Variants in ADAMTSL1 observed in about 807,000 individuals in gnomAD.
ADAMTSL1 encodes the protein ADAMTS like 1.
ADAMTSL1 carries 126 observed loss-of-function variants against 201.8 expected under a neutral mutation model. The observed-to-expected ratio is 0.62, with a 90% confidence interval of 0.54 to 0.72. The LOEUF (loss-of-function observed/expected upper bound fraction) is 0.72, where lower values mean the gene tolerates loss of function less well. Ranked by LOEUF, ADAMTSL1 falls within the 30% of genes least tolerant of loss-of-function variation. The pLI, the probability that ADAMTSL1 is intolerant of heterozygous loss-of-function variation, is 0.00. For missense variants in ADAMTSL1, 2,679 were observed against 2,277.8 expected (o/e 1.18, Z -3.59); for synonymous variants, 1,121 against 903.4 (o/e 1.24, Z -4.32).
intron 4 of ADAMTSL1, among the ~76,000 whole-genome samples, chr9:18,581,772 G>C (rs914574741): frequency 1.3e-5 from 2 of 152,172 alleles, no homozygotes; most frequent in African/African-American, 2.4e-5. Context: ...CTGATACCGA[G>C]CAGGAAAAAA....
chr9:17,987,849 G>T lies in ADAMTSL1; in HGVS notation c.87+80927G>T, dbSNP rs189164972. The stretch of plus-strand genomic sequence containing the variant: ...TCAGCAGTTGAGACCAGTGGCTCTT[G>T]AAAGAGTTTGTATTTACCCTTTAAT... On this transcript the variant is annotated intron_variant, in intron 1 of 29. Coordinates refer to the ADAMTSL1 transcript ENST00000680146. 2.5e-3 allele frequency among the ~76,000 whole-genome samples: 384 copies of T among 152,180 alleles called. 4 individuals are homozygous for T. Among genetic ancestry groups the T allele is most frequent in the African/African-American group, 8.7e-3 (361 of 41,560 alleles).
intron 2 of ADAMTSL1, among the ~76,000 whole-genome samples, chr9:18,177,028 C>A (rs565213701): frequency 2.0e-5 from 3 of 152,292 alleles, no homozygotes; most frequent in Non-Finnish European, 2.9e-5. Context: ...AGGGCTATTG[C>A]TTTGCACCCT....
chr9:18,408,521 G>C (rs1818299145), intron 2 of ADAMTSL1, among the ~76,000 whole-genome samples: 1 of 152,104 alleles, frequency 6.6e-6, no homozygotes, highest in Admixed American at 6.5e-5. Flanking sequence ...CCTAGTATGT[G>C]CTGGTCACTA....
At chr9:18,857,561 C>T (rs1826941399) in intron 23 of ADAMTSL1, among the ~76,000 whole-genome samples, 1 of 152,208 alleles carries the variant, frequency 6.6e-6, no homozygotes, top group Non-Finnish European at 1.5e-5. Flanking sequence ...CACACCCAAT[C>T]ACATGATTAT....
At position 18,626,865 on chromosome 9, in the gene ADAMTSL1, TTCTG is replaced by T. The variant is rs543416245; in HGVS notation, c.601+4500_601+4503del. On this transcript the variant is annotated intron_variant, in intron 5 of 28. Coordinates refer to ENST00000380548, the MANE Select transcript of ADAMTSL1 (RefSeq NM_001040272.6). ...TTTCTTTCTTTCTTTCTTTCTTTCT[TTCTG>T]TCTTTCTTCCTTCCTTCCTTCCTTC... 5.5e-4 allele frequency among the ~76,000 whole-genome samples: 80 copies of T among 145,558 alleles called. 1 individual carries two copies. In the South Asian group the frequency reaches 0.012, roughly 22 times the overall value.
intron 13 of ADAMTSL1, among the ~76,000 whole-genome samples, chr9:18,700,793 C>A (rs1236918863): frequency 6.6e-6 from 1 of 152,040 alleles, no homozygotes; most frequent in Non-Finnish European, 1.5e-5. Context: ...TTTTCCAGAT[C>A]CCTCTGTGGC....
At chr9:18,241,631 A>T (rs1436891831) in intron 2 of ADAMTSL1, among the ~76,000 whole-genome samples, 1 of 152,198 alleles carries the variant, frequency 6.6e-6, no homozygotes, top group East Asian at 1.9e-4. Flanking sequence ...GACAAACCTT[A>T]GCTAGTCTAA....
intron 21 of ADAMTSL1, among the ~76,000 whole-genome samples, chr9:18,818,240 C>T (rs77580458): frequency 6.6e-6 from 1 of 152,052 alleles, no homozygotes; most frequent in Non-Finnish European, 1.5e-5. Context: ...CAGATATACC[C>T]CACAGTGGCA....
intron 1 of ADAMTSL1, among the ~76,000 whole-genome samples, chr9:18,494,509 C>G (rs1176827930): frequency 6.6e-6 from 1 of 152,108 alleles, no homozygotes; most frequent in Non-Finnish European, 1.5e-5. Flanking sequence ...GGAGGGGAAT[C>G]TAGGCACTAT....
intron 2 of ADAMTSL1, among the ~76,000 whole-genome samples, chr9:18,200,191 C>T (rs560157755): frequency 5.9e-5 from 9 of 151,822 alleles, no homozygotes; most frequent in African/African-American, 1.9e-4. Flanking sequence ...CCCAGCATTT[C>T]GGGAGGCTGA....
chr9:18,059,059 T>C (rs1822328742), intron 1 of ADAMTSL1, among the ~76,000 whole-genome samples: 1 of 152,238 alleles, frequency 6.6e-6, no homozygotes, highest in Non-Finnish European at 1.5e-5. Context: ...TCTGTTACTT[T>C]GGTCCTATCC....
At chr9:18,347,330 G>A (rs967141841) in intron 2 of ADAMTSL1, among the ~76,000 whole-genome samples, 6 of 151,888 alleles carry the variant, frequency 4.0e-5, no homozygotes, top group South Asian at 2.1e-4. Flanking sequence ...GGATTAATAC[G>A]TAACTATTGA....
At chr9:18,503,421 G>GTGTATATATCTATATCTATATATATA in intron 1 of ADAMTSL1, among the ~76,000 whole-genome samples, 1 of 115,274 alleles carries the variant, frequency 8.7e-6, no homozygotes. Flanking sequence ...ATTCCATTGT[G>GTGTATATATCTATATCTATATATATA]TATATATATA....
At chr9:18,074,498 TTTCTTTTCTTTTC>T (rs764797361) in intron 1 of ADAMTSL1, among the ~76,000 whole-genome samples, 10,232 of 89,230 alleles carry the variant, frequency 0.11, 521 homozygotes, top group African/African-American at 0.24. Flanking sequence ...TTTCTTTTCT[TTTCTTTTCTTTTC>T]TTCTTTTCTT....
intron 4 of ADAMTSL1, among the ~76,000 whole-genome samples, chr9:18,575,897 T>A (rs779766149): frequency 1.3e-5 from 2 of 152,188 alleles, no homozygotes; most frequent in Non-Finnish European, 2.9e-5. Flanking sequence ...TTAGGTTTCA[T>A]TTATTTCTTT....
chr9:18,097,858 G>A (rs1196102275), intron 1 of ADAMTSL1, among the ~76,000 whole-genome samples: 1 of 149,966 alleles, frequency 6.7e-6, no homozygotes, highest in Non-Finnish European at 1.5e-5. Context: ...CTCTTTTATG[G>A]TTATTGTTTT....
intron 2 of ADAMTSL1, among the ~76,000 whole-genome samples, chr9:18,384,920 C>A (rs2133197771): frequency 6.6e-6 from 1 of 152,260 alleles, no homozygotes; most frequent in Admixed American, 6.5e-5. Context: ...AAACATCTTG[C>A]AGAGAACTGC....
At chr9:18,274,571 A>G (rs936778163) in intron 2 of ADAMTSL1, among the ~76,000 whole-genome samples, 4 of 152,102 alleles carry the variant, frequency 2.6e-5, no homozygotes, top group Non-Finnish European at 4.4e-5. Flanking sequence ...GCAAAAAAAA[A>G]TATTCATTAT....
intron 20 of ADAMTSL1, among the ~76,000 whole-genome samples, chr9:18,812,057 G>A (rs1426912963): frequency 2.0e-5 from 3 of 152,098 alleles, no homozygotes; most frequent in African/African-American, 7.2e-5. Flanking sequence ...TCTAATTCCT[G>A]TCATAATCTT....
Sources: gnomAD v4.1 joint callset for allele counts (sites outside exome capture counted in the v4.1 genomes callset) on GRCh38, gnomAD v4.1.1 for gene constraint, MANE v1.5 for transcripts, NCBI Gene and HGNC (gene_info 2026-07-23, HGNC 2026-07-21) for gene names.